The following BRMS1L variants were observed in gnomAD, a reference collection of about 807,000 sequenced individuals.
BRMS1L encodes the protein breast cancer metastasis-suppressor 1-like protein.
In BRMS1L, 23 loss-of-function variants were observed where a neutral mutation model predicts 50.3. That is an observed-to-expected ratio of 0.46 (90% CI 0.33 to 0.65). BRMS1L has a LOEUF of 0.65. Ranked by LOEUF, BRMS1L falls within the 30% of genes least tolerant of loss-of-function variation. BRMS1L has a pLI of 0.02. For missense variants in BRMS1L, 286 were observed against 386.1 expected, an observed-to-expected ratio of 0.74 and a Z score of 2.17; for synonymous variants, 114 against 126.9, an observed-to-expected ratio of 0.90 and a Z score of 0.69.
chr14:35,846,560 A>T (rs962809379), intron 4 of BRMS1L, among the ~76,000 whole-genome samples: 1 of 152,188 alleles, frequency 6.6e-6, no homozygotes, highest in Non-Finnish European at 1.5e-5. Context: ...ATTTTGTAGA[A>T]TGTTCCTCAG....
intron 4 of BRMS1L, among the ~76,000 whole-genome samples, chr14:35,854,470 G>T (rs957129356): frequency 6.6e-6 from 1 of 152,052 alleles, no homozygotes; most frequent in Non-Finnish European, 1.5e-5. Context: ...TTGATCTTTG[G>T]TTTTTCTGCT....
intron 1 of BRMS1L, among the ~76,000 whole-genome samples, chr14:35,828,845 A>G (rs2077881783): frequency 6.6e-6 from 1 of 152,214 alleles, no homozygotes; most frequent in Admixed American, 6.5e-5. Context: ...CGATATGGGA[A>G]GGGGAGAATA....
chr14:35,854,395 G>C (rs545702559), intron 4 of BRMS1L, among the ~76,000 whole-genome samples: 1 of 152,160 alleles, frequency 6.6e-6, no homozygotes, highest in Admixed American at 6.5e-5. Context: ...GTGCTTAAGA[G>C]CAAGTCTGCA....
intron 7 of BRMS1L, 23 bp from the exon 8 acceptor site, chr14:35,865,698 TC>T (rs1271104368): frequency 4.0e-6 from 6 of 1,510,944 alleles, no homozygotes; most frequent in South Asian, 2.4e-5. Flanking sequence ...TCTTTCTTCC[TC>T]TTTTTTTTTT....
chr14:35,865,801 A>G, intron 8 of BRMS1L, 40 bp downstream of exon 8: 2 of 1,560,518 alleles, frequency 1.3e-6, no homozygotes, highest in Non-Finnish European at 1.7e-6. Flanking sequence ...TTCTCTTTGG[A>G]GACTTGTTGA....
chr14:35,827,678 A>C (rs1274978122), intron 1 of BRMS1L, among the ~76,000 whole-genome samples: 2 of 152,236 alleles, frequency 1.3e-5, no homozygotes, highest in South Asian at 4.1e-4. Flanking sequence ...ATAAATAGTT[A>C]TTATCTGGGC....
intron 4 of BRMS1L, among the ~76,000 whole-genome samples, chr14:35,843,621 C>A (rs1335122524): frequency 1.3e-5 from 2 of 152,324 alleles, no homozygotes; most frequent in East Asian, 3.9e-4. Context: ...GTCTGTCCAC[C>A]CCGGCTGGGA....
intron 4 of BRMS1L, among the ~76,000 whole-genome samples, chr14:35,862,331 C>T (rs1055896667): frequency 3.3e-5 from 5 of 152,184 alleles, no homozygotes; most frequent in African/African-American, 1.2e-4. Flanking sequence ...TAAATATTTA[C>T]CTCTAAATGT....
chr14:35,865,966 TCA>T (rs1241282018), intron 8 of BRMS1L: 18 of 525,968 alleles, frequency 3.4e-5, no homozygotes, highest in African/African-American at 3.3e-4. Flanking sequence ...ATTTCAGTGT[TCA>T]GCTACATTCT....
rs1273726162 is a variant in BRMS1L, at chr14:35,855,277, G to GA, written c.442-7312dup. Among the ~76,000 whole-genome samples the GA allele has an allele frequency of 6.6e-5, 10 of 152,184 alleles. No individual in the cohort carries two copies. The East Asian group carries it at 1.9e-3, about 29-fold the overall frequency. On this transcript the variant is annotated intron_variant, in intron 4 of 9. Coordinates refer to ENST00000216807, the MANE Select transcript of BRMS1L (RefSeq NM_032352.4). Reference sequence around the variant, plus strand: ...CCTTATTTTCTTATTTTTTTGTAGAGATGGGGGTCTTGCTATGTTGCCCAG... The same window carrying GA: ...CCTTATTTTCTTATTTTTTTGTAGAGAATGGGGGTCTTGCTATGTTGCCCAG...
rs558552593 is a variant in BRMS1L at position 35,829,574 on chromosome 14, C to G, written c.143-1836C>G. The stretch of plus-strand genomic sequence containing the variant: ...TTAAACTTTCACAGTGTTTTCTTCT[C>G]AAATGTTGGTGCTGAGCAAATTCTA... On this transcript the variant is annotated intron_variant, in intron 1 of 9. Transcript: ENST00000216807. Among the ~76,000 whole-genome samples the G allele has an allele frequency of 3.3e-5, 5 of 152,264 alleles. No individual in the cohort carries two copies. In the East Asian group the frequency reaches 9.6e-4, roughly 29 times the overall value.
In BRMS1L at chr14:35,839,867, C is replaced by A. The variant is rs150993872; in HGVS notation, c.441+4944C>A. ...CTATTTGAATACCCTTTATTTCTTT[C>A]TCTTGCCGGATTGCCCTGGCCAGAA... is the stretch of plus-strand genomic sequence containing the variant. On this transcript the variant is annotated intron_variant, in intron 4 of 9. Transcript: ENST00000216807. Among the ~76,000 whole-genome samples the A allele has an allele frequency of 2.6e-5, 4 of 152,320 alleles. No homozygotes were observed. In the East Asian group the frequency reaches 5.8e-4, roughly 22 times the overall value.
At position 35,862,513 on chromosome 14, in the gene BRMS1L, T is replaced by A; in HGVS notation, c.442-77T>A. ...CAAAGCATCATATATTAAAGTACTTTAAGTTATTTGGTACTCTTAGTTAAG... is the reference window on the plus strand; with the variant it reads ...CAAAGCATCATATATTAAAGTACTTAAAGTTATTTGGTACTCTTAGTTAAG... On this transcript the variant is annotated intron_variant, in intron 4 of 9. Coordinates refer to ENST00000216807, the MANE Select transcript of BRMS1L (RefSeq NM_032352.4). 5 of 813,084 alleles carry A rather than the reference T, an allele frequency of 6.1e-6. No homozygotes were observed. The South Asian group carries it at 1.2e-4, about 20-fold the overall frequency. The allele number at this position is 813,084 out of a possible 1,614,324, so 50.4% of individuals were successfully genotyped here.
At position 35,833,020 on chromosome 14, in the gene BRMS1L, A is replaced by C. The variant is rs536673341; in HGVS notation, c.276A>C (p.Gln92His). ...ERLSQVDAKL[Q>H]EVIAGKAPEY... ...TAAGTCAGGTGGATGCAAAACTACAAGAAGTCATAGCTGGAAAAGCACCAG... is the reference window on the plus strand; with the variant it reads ...TAAGTCAGGTGGATGCAAAACTACACGAAGTCATAGCTGGAAAAGCACCAG... The change falls in exon 3 of 10, where the codon CAA (glutamine) becomes CAC (histidine). Residue 92 changes from glutamine (Q) to histidine (H), a missense_variant. By Grantham distance (24) the Gln-to-His change is conservative. Coordinates refer to ENST00000216807, the MANE Select transcript of BRMS1L (RefSeq NM_032352.4). 1 of 1,613,618 alleles carries C rather than the reference A, an allele frequency of 6.2e-7. No homozygotes were observed. Among genetic ancestry groups the C allele is most frequent in the East Asian group, 2.2e-5 (1 of 44,802 alleles).
In BRMS1L at chr14:35,826,428, G is replaced by C; in HGVS notation, c.-89G>C. 2 of 1,534,780 alleles carry C rather than the reference G, an allele frequency of 1.3e-6. No individual in the cohort carries two copies. Among genetic ancestry groups the C allele is most frequent in the Admixed American group, 4.0e-5 (2 of 50,032 alleles). Reference sequence around the variant, plus strand: ...AGGGGGCGAGCAAGCTCGGTGGCTGGGTGGGTTGGGGCGTTCCGCGCGCCC... The same window carrying C: ...AGGGGGCGAGCAAGCTCGGTGGCTGCGTGGGTTGGGGCGTTCCGCGCGCCC... On this transcript the variant is annotated 5_prime_UTR_variant, in exon 1 of 10. Transcript: ENST00000216807.
chr14:35,826,680 C>T, intron 1 of BRMS1L, 22 bp downstream of exon 1: 2 of 1,606,286 alleles, frequency 1.2e-6, no homozygotes, highest in Non-Finnish European at 1.7e-6. Context: ...ACTGCTGGGA[C>T]CCTGAGTCCC....
At position 35,865,619 on chromosome 14, in the gene BRMS1L, T is replaced by C. The variant is rs1298846887; in HGVS notation, c.688-103T>C. On this transcript the variant is annotated intron_variant, in intron 7 of 9. Coordinates refer to ENST00000216807, the MANE Select transcript of BRMS1L (RefSeq NM_032352.4). ...TGGTTATACTTTACTGTCTTTGTTA[T>C]GGAGTTAATCGGTAATATTGTATAT... The C allele has an allele frequency of 1.6e-5, 14 of 861,896 alleles. No homozygotes were observed. In the Admixed American group the frequency reaches 3.9e-4, roughly 24 times the overall value. 53.4% of individuals were successfully genotyped at this position (861,896 alleles called of 1,614,324 possible). A position where few individuals can be genotyped will look rare whatever the true frequency, so the allele number is the denominator to read the frequency against.
intron 4 of BRMS1L, among the ~76,000 whole-genome samples, chr14:35,842,032 G>T (rs1252675483): frequency 3.1e-5 from 4 of 127,096 alleles, no homozygotes; most frequent in African/African-American, 6.1e-5. Context: ...CCATTTGCTT[G>T]GTAAATATTC....
chr14:35,831,998 A>G (rs2077925918), intron 2 of BRMS1L, among the ~76,000 whole-genome samples: 1 of 152,156 alleles, frequency 6.6e-6, no homozygotes, highest in Admixed American at 6.5e-5. Flanking sequence ...CTCTAAAGGT[A>G]TTGGTGACAG....
Sources: gnomAD v4.1 joint callset for allele counts (sites outside exome capture counted in the v4.1 genomes callset) on GRCh38, gnomAD v4.1.1 for gene constraint, MANE v1.5 for transcripts, NCBI Gene and HGNC (gene_info 2026-07-23, HGNC 2026-07-21) for gene names.